Variants in CACNA1B observed in about 807,000 individuals in gnomAD.
The protein encoded by CACNA1B is calcium voltage-gated channel subunit alpha1 B.
In CACNA1B, 70 loss-of-function variants were observed where a neutral mutation model predicts 247.2. That is an observed-to-expected ratio of 0.28 (90% CI 0.23 to 0.35). The LOEUF is 0.35. CACNA1B is among the 10% of genes least tolerant of loss of function. CACNA1B has a pLI of 1.00. For synonymous variants in CACNA1B, 1,231 were observed against 1,294.4 expected (o/e 0.95, Z 1.05); for missense variants, 2,367 against 3,197.4 (o/e 0.74, Z 6.26).
chr9:137,980,437 C>T (rs1041531693), intron 12 of CACNA1B, among the ~76,000 whole-genome samples: 3 of 152,222 alleles, frequency 2.0e-5, no homozygotes, highest in African/African-American at 4.8e-5. Context: ...CACCTTTGAT[C>T]GTTTTGGGAT....
intron 15 of CACNA1B, among the ~76,000 whole-genome samples, chr9:138,003,767 C>T (rs1314695306): frequency 2.0e-5 from 3 of 147,616 alleles, no homozygotes. Flanking sequence ...TGATCAAACT[C>T]ACGGGCTTGC....
Position 138,114,384 on chromosome 9 carries a change from A to C in CACNA1B, c.5543A>C (p.Glu1848Ala). 1 of 1,529,892 alleles carries C rather than the reference A, an allele frequency of 6.5e-7. No homozygotes were observed. The highest frequency in any genetic ancestry group is 1.2e-5 in the South Asian group (1 of 85,860). The allele number at this position is 1,529,892 out of a possible 1,614,324, so 94.8% of individuals were successfully genotyped here. A position where few individuals can be genotyped will look rare whatever the true frequency, so the allele number is the denominator to read the frequency against. Reference sequence around the variant, plus strand: ...CTCCTGTGTTCTTTTCCAGCTGATGAGATGACAGTGGGGAAGGTTTATGCA... The same window carrying C: ...CTCCTGTGTTCTTTTCCAGCTGATGCGATGACAGTGGGGAAGGTTTATGCA... ...DLLVPPHKPDEMTVGKVYAAL... is the reference protein window; with the variant it reads ...DLLVPPHKPDAMTVGKVYAAL... Residue 1848 changes from glutamate to alanine, a missense_variant, in exon 41 of 47, where the codon GAG (glutamate) becomes GCG (alanine). By Grantham distance (107) the Glu-to-Ala change is moderately radical (BLOSUM62 -1). This residue lies in a region of CACNA1B where 773 missense variants were observed against 779.4 expected (regional missense o/e 0.99). Transcript: ENST00000371372.
intron 10 of CACNA1B, among the ~76,000 whole-genome samples, chr9:137,965,298 A>T (rs1325306666): frequency 6.6e-6 from 1 of 152,268 alleles, no homozygotes; most frequent in South Asian, 2.1e-4. Flanking sequence ...GGAATGGCTG[A>T]GAAGCCTGAA....
intron 31 of CACNA1B, among the ~76,000 whole-genome samples, chr9:138,061,944 C>T (rs2133512719): frequency 6.6e-6 from 1 of 152,358 alleles, no homozygotes. Flanking sequence ...GATGGTCACC[C>T]TATCCAGAGG....
intron 3 of CACNA1B, among the ~76,000 whole-genome samples, chr9:137,910,766 C>T (rs914611678): frequency 2.6e-5 from 4 of 152,158 alleles, no homozygotes; most frequent in African/African-American, 4.8e-5. Flanking sequence ...CAGTAATGCT[C>T]GTTCGCCTGC....
chr9:137,993,862 C>A lies in CACNA1B; in HGVS notation c.1974+7008C>A, dbSNP rs1235318719. Among the ~76,000 whole-genome samples the A allele has an allele frequency of 2.6e-5, 4 of 151,952 alleles. No individual in the cohort carries two copies. The East Asian group carries it at 7.7e-4, about 29-fold the overall frequency. ...AAATCATTCTATAAGCCAATATCACCCTAATACCAAAACCAGGGAAGGACA... is the reference window on the plus strand; with the variant it reads ...AAATCATTCTATAAGCCAATATCACACTAATACCAAAACCAGGGAAGGACA... On this transcript the variant is annotated intron_variant, in intron 15 of 46. Transcript: ENST00000371372.
chr9:137,915,623 T>TA (rs963270040), intron 5 of CACNA1B, among the ~76,000 whole-genome samples: 20 of 148,390 alleles, frequency 1.3e-4, no homozygotes, highest in African/African-American at 2.5e-4. Context: ...TTCGTGATTT[T>TA]AAAAAAAAAA....
At chr9:138,096,648 G>A in intron 37 of CACNA1B, 37 bp downstream of exon 37, 2 of 1,591,680 alleles carry the variant, frequency 1.3e-6, no homozygotes, top group South Asian at 1.1e-5. Flanking sequence ...CCTTGGGGGT[G>A]GTCCATGCCC....
At chr9:138,111,803 G>A (rs1176081133) in intron 39 of CACNA1B, among the ~76,000 whole-genome samples, 2 of 152,134 alleles carry the variant, frequency 1.3e-5, no homozygotes, top group African/African-American at 4.8e-5. Context: ...GTGTACTCGG[G>A]GGCTCCTTTT....
chr9:138,041,737 T>C lies in CACNA1B; in HGVS notation c.3287-2037T>C, dbSNP rs568423230. 5.9e-5 allele frequency among the ~76,000 whole-genome samples: 9 copies of C among 152,296 alleles called. 1 individual carries two copies. Among genetic ancestry groups the C allele is most frequent in the Admixed American group, 5.2e-4 (8 of 15,290 alleles). On this transcript the variant is annotated intron_variant, in intron 20 of 46. Transcript: ENST00000371372. ...TGAAGCCAGACTGATTCTTTTTTCC[T>C]TAATTTACTTAAGTTAATTAATTAT... is the stretch of plus-strand genomic sequence containing the variant.
intron 10 of CACNA1B, among the ~76,000 whole-genome samples, chr9:137,968,421 C>T (rs1162980160): frequency 8.5e-5 from 13 of 152,228 alleles, no homozygotes; most frequent in Non-Finnish European, 1.8e-4. Flanking sequence ...AATCCCACAC[C>T]ACCTTGTGAG....
intron 12 of CACNA1B, among the ~76,000 whole-genome samples, chr9:137,982,505 C>T (rs1489496734): frequency 6.6e-6 from 1 of 152,184 alleles, no homozygotes; most frequent in Non-Finnish European, 1.5e-5. Context: ...AGGTCCAACC[C>T]ATCCTTAAGG....
At chr9:138,009,925 T>G in intron 16 of CACNA1B, 85 bp from the exon 17 acceptor site, 1 of 1,068,606 alleles carries the variant, frequency 9.4e-7, no homozygotes, top group Non-Finnish European at 1.4e-6. Context: ...TGGAGGCTGG[T>G]TGGGATCTGG....
chr9:137,994,248 A>C (rs899710950), intron 15 of CACNA1B, among the ~76,000 whole-genome samples: 3 of 152,222 alleles, frequency 2.0e-5, no homozygotes, highest in Non-Finnish European at 4.4e-5. Context: ...ATAATACTGA[A>C]CCAGTAAAAG....
rs1318001671 is a variant in CACNA1B at position 137,973,145 on chromosome 9, G to A, written c.1543+1553G>A. Among the ~76,000 whole-genome samples, 1 of 152,228 alleles carries A rather than the reference G, an allele frequency of 6.6e-6. No individual in the cohort carries two copies. Among genetic ancestry groups the A allele is most frequent in the Non-Finnish European group, 1.5e-5 (1 of 68,040 alleles). On this transcript the variant is annotated intron_variant, in intron 11 of 46. Transcript: ENST00000371372. This position sits in a 1 kb window ranked among gnomAD's most constrained non-coding sequence, Gnocchi z 4.1. ...GCCCAGTCGCGCATCTGCTGTGTGC[G>A]AGCACAGGGCTGGCAGTGTCCAGGC...
intron 6 of CACNA1B, among the ~76,000 whole-genome samples, chr9:137,939,956 C>T (rs1467574441): frequency 6.6e-6 from 1 of 151,906 alleles, no homozygotes; most frequent in East Asian, 1.9e-4. Context: ...GCCCTAAATA[C>T]CTACATCGAA....
rs1184275916 is a variant in CACNA1B, at chr9:138,015,061, G to A, written c.2267+1826G>A. Among the ~76,000 whole-genome samples the A allele has an allele frequency of 2.0e-5, 3 of 152,010 alleles. 1 individual carries two copies. Among genetic ancestry groups the A allele is most frequent in the South Asian group, 4.2e-4 (2 of 4,814 alleles). The stretch of plus-strand genomic sequence containing the variant: ...GCGAGGAAAGAGCTTCTTTTTTCCC[G>A]GGGGACCCCTAGGTGTTCTGCCTCA... On this transcript the variant is annotated intron_variant, in intron 18 of 46. Coordinates refer to ENST00000371372, the MANE Select transcript of CACNA1B (RefSeq NM_000718.4).
chr9:137,964,628 G>GCTC, intron 10 of CACNA1B, among the ~76,000 whole-genome samples: 1 of 152,234 alleles, frequency 6.6e-6, no homozygotes, highest in East Asian at 1.9e-4. Context: ...TTTGCATTGG[G>GCTC]TTACCACATG....
rs371097413 is a variant in CACNA1B, at chr9:138,121,792, C to A, written c.6813C>A (p.His2271Gln). ...GQRLDSEASV[H>Q]ALPEDTLTFE... ...GTCTGGACAGTGAGGCCTCTGTCCA[C>A]GCCCTGCCTGAGGACACTCTCACTT... The change falls in exon 47 of 47, where the codon CAC (histidine) becomes CAA (glutamine). Residue 2271 changes from histidine (H) to glutamine (Q), a missense_variant. Physicochemically the swap from His to Gln is conservative, Grantham distance 24. This residue lies in a region of CACNA1B where 773 missense variants were observed against 779.4 expected (regional missense o/e 0.99). Transcript: ENST00000371372. The surrounding 1 kb of genome is among the most constrained non-coding windows in gnomAD (Gnocchi z 6.8). 6.2e-7 allele frequency: 1 copy of A among 1,613,034 alleles called. No homozygotes were observed. The highest frequency in any genetic ancestry group is 8.5e-7 in the Non-Finnish European group (1 of 1,179,646).
Sources: allele counts gnomAD v4.1 joint callset (sites outside exome capture counted in the v4.1 genomes callset), GRCh38; gene constraint gnomAD v4.1.1; regional missense constraint gnomAD v4.1.1; non-coding constraint Gnocchi (gnomAD v3.1); transcripts MANE v1.5; gene names NCBI Gene and HGNC (gene_info 2026-07-23, HGNC 2026-07-21).